Variants in CCSER1 observed in about 807,000 individuals in gnomAD.
CCSER1 encodes the protein coiled-coil serine rich protein 1.
Under a neutral mutation model 82.0 loss-of-function variants are expected in CCSER1, and 41 were observed. That is an observed-to-expected ratio of 0.50 (90% CI 0.39 to 0.65). The LOEUF is 0.65. CCSER1 is among the 30% of genes least tolerant of loss of function. The probability of loss-of-function intolerance (pLI) is 0.00; values close to 1 mark genes in which losing one functional copy is unlikely to be tolerated. For synonymous variants in CCSER1, 414 were observed against 383.9 expected (o/e 1.08, Z -0.92); for missense variants, 1,119 against 1,064.2 (o/e 1.05, Z -0.72).
chr4:90,445,476 G>T (rs1187507770), intron 4 of CCSER1, among the ~76,000 whole-genome samples: 1 of 151,994 alleles, frequency 6.6e-6, no homozygotes, highest in Non-Finnish European at 1.5e-5. Flanking sequence ...TTATGCTCAT[G>T]CCTTATTTAG....
chr4:90,460,788 G>GTGGC (rs1483248468), intron 4 of CCSER1, among the ~76,000 whole-genome samples: 1 of 152,040 alleles, frequency 6.6e-6, no homozygotes, highest in East Asian at 1.9e-4. Flanking sequence ...CATCTGTACT[G>GTGGC]TGGCTGTATT....
At chr4:91,080,594 C>CA (rs1176590337) in intron 9 of CCSER1, among the ~76,000 whole-genome samples, 6 of 151,902 alleles carry the variant, frequency 3.9e-5, no homozygotes, top group Non-Finnish European at 7.4e-5. Context: ...GATAGAGGCA[C>CA]AAAAAACCCT....
chr4:90,735,114 G>T (rs1350577535), intron 7 of CCSER1, among the ~76,000 whole-genome samples: 1 of 151,954 alleles, frequency 6.6e-6, no homozygotes, highest in African/African-American at 2.4e-5. Flanking sequence ...TGTTGACATG[G>T]CATGTCATAT....
At chr4:90,768,391 C>T (rs567078655) in intron 7 of CCSER1, among the ~76,000 whole-genome samples, 9 of 152,280 alleles carry the variant, frequency 5.9e-5, no homozygotes, top group Non-Finnish European at 8.8e-5. Context: ...TAATTTCTGA[C>T]CCACAGAAAC....
intron 1 of CCSER1, among the ~76,000 whole-genome samples, chr4:90,281,494 TA>T (rs901780869): frequency 6.6e-6 from 1 of 151,984 alleles, no homozygotes; most frequent in Non-Finnish European, 1.5e-5. Context: ...AAATAAAAGT[TA>T]AAAAAATAAT....
At chr4:90,869,512 G>T (rs552442442) in intron 8 of CCSER1, among the ~76,000 whole-genome samples, 10 of 151,820 alleles carry the variant, frequency 6.6e-5, no homozygotes, top group Non-Finnish European at 1.5e-4. Flanking sequence ...ATTTACTGTA[G>T]ATGTATGAAT....
chr4:91,422,312 C>G (rs2149384289), intron 10 of CCSER1, among the ~76,000 whole-genome samples: 1 of 152,178 alleles, frequency 6.6e-6, no homozygotes, highest in African/African-American at 2.4e-5. Context: ...TTTACATACT[C>G]ACATTCACCT....
intron 5 of CCSER1, among the ~76,000 whole-genome samples, chr4:90,470,566 G>T (rs932887633): frequency 6.6e-6 from 1 of 151,932 alleles, no homozygotes; most frequent in African/African-American, 2.4e-5. Context: ...GTACAGTTTT[G>T]GTTCTCAAAT....
At chr4:91,453,248 G>A (rs1031462947) in intron 10 of CCSER1, among the ~76,000 whole-genome samples, 1 of 151,896 alleles carries the variant, frequency 6.6e-6, no homozygotes, top group Non-Finnish European at 1.5e-5. Context: ...GGTGAAATTA[G>A]TGTTCTGCAA....
At chr4:90,980,174 A>G (rs1171003277) in intron 9 of CCSER1, among the ~76,000 whole-genome samples, 1 of 151,894 alleles carries the variant, frequency 6.6e-6, no homozygotes. Flanking sequence ...GAGCTGCACT[A>G]GCAACAGTGT....
At chr4:90,986,555 C>A (rs1736594257) in intron 9 of CCSER1, among the ~76,000 whole-genome samples, 1 of 151,532 alleles carries the variant, frequency 6.6e-6, no homozygotes, top group Non-Finnish European at 1.5e-5. Flanking sequence ...GCTGGCCAAG[C>A]CAAGTGAATT....
intron 1 of CCSER1, among the ~76,000 whole-genome samples, chr4:90,244,809 C>A (rs750017015): frequency 5.3e-5 from 8 of 152,104 alleles, no homozygotes; most frequent in Non-Finnish European, 1.2e-4. Context: ...CGTGGGGACA[C>A]AAAGCCTAAC....
Position 90,551,706 on chromosome 4 carries a change from C to CTCTCTCTCTCTATATATATA in CCSER1, c.1725-76318_1725-76317insCTCTCTCTCTATATATATAT. Among the ~76,000 whole-genome samples the CTCTCTCTCTCTATATATATA allele has an allele frequency of 2.7e-3, 279 of 104,174 alleles. 1 individual carries two copies. Among genetic ancestry groups the CTCTCTCTCTCTATATATATA allele is most frequent in the Middle Eastern group, 0.013 (2 of 154 alleles). 68.3% of individuals were successfully genotyped at this position (104,174 alleles called of 152,430 possible). A position where few individuals can be genotyped will look rare whatever the true frequency, so the allele number is the denominator to read the frequency against. On this transcript the variant is annotated intron_variant, in intron 5 of 10. Coordinates refer to ENST00000509176, the MANE Select transcript of CCSER1 (RefSeq NM_001145065.2). Reference sequence around the variant, plus strand: ...TCTCTCTCTCTCTCTCTCTCTCTCTCTATATATATATATATATATATGTAA... The same window carrying CTCTCTCTCTCTATATATATA: ...TCTCTCTCTCTCTCTCTCTCTCTCTCTCTCTCTCTCTATATATATATATATATATATATATATATATGTAA...
chr4:90,520,474 T>A (rs542464128), intron 5 of CCSER1, among the ~76,000 whole-genome samples: 11 of 152,300 alleles, frequency 7.2e-5, no homozygotes, highest in South Asian at 6.2e-4. Context: ...TTACTAACAT[T>A]GTGTTTAAGC....
At chr4:90,525,256 G>T (rs1170809358) in intron 5 of CCSER1, among the ~76,000 whole-genome samples, 1 of 151,936 alleles carries the variant, frequency 6.6e-6, no homozygotes, top group Non-Finnish European at 1.5e-5. Flanking sequence ...TCTTTCCCAG[G>T]TGTTTTAATG....
chr4:90,864,309 G>C (rs1403690695), intron 8 of CCSER1, among the ~76,000 whole-genome samples: 1 of 151,934 alleles, frequency 6.6e-6, no homozygotes, highest in Non-Finnish European at 1.5e-5. Context: ...TGGTTTGAAA[G>C]TGTCCCCCAA....
At chr4:90,961,271 C>T (rs981610859) in intron 9 of CCSER1, among the ~76,000 whole-genome samples, 1 of 152,088 alleles carries the variant, frequency 6.6e-6, no homozygotes, top group Admixed American at 6.6e-5. Context: ...AATGTTTCTT[C>T]CCAGTTCCAG....
At chr4:91,004,446 G>A (rs1246753901) in intron 9 of CCSER1, among the ~76,000 whole-genome samples, 1 of 152,208 alleles carries the variant, frequency 6.6e-6, no homozygotes, top group Admixed American at 6.5e-5. Context: ...AATGGTAAAA[G>A]TTAATAAGTG....
intron 10 of CCSER1, among the ~76,000 whole-genome samples, chr4:91,355,055 G>C (rs761539991): frequency 6.6e-5 from 10 of 152,002 alleles, no homozygotes; most frequent in Non-Finnish European, 1.3e-4. Flanking sequence ...ATTTTAAAGG[G>C]TTGCAGCTCC....
Sources: allele counts gnomAD v4.1 joint callset (sites outside exome capture counted in the v4.1 genomes callset), GRCh38; gene constraint gnomAD v4.1.1; transcripts MANE v1.5; gene names NCBI Gene and HGNC (gene_info 2026-07-23, HGNC 2026-07-21).